Variants in KIAA0825 observed in about 807,000 individuals in gnomAD.
KIAA0825 encodes the protein KIAA0825.
KIAA0825 carries 119 observed loss-of-function variants against 147.6 expected under a neutral mutation model. That is an observed-to-expected ratio of 0.81 (90% CI 0.69 to 0.94). The LOEUF (loss-of-function observed/expected upper bound fraction) is 0.94, where lower values mean the gene tolerates loss of function less well. Ranked by LOEUF, KIAA0825 falls within the 40% of genes least tolerant of loss-of-function variation. The probability of loss-of-function intolerance (pLI) is 0.00; values close to 1 mark genes in which losing one functional copy is unlikely to be tolerated. For missense variants in KIAA0825, 1,381 were observed against 1,472.7 expected (o/e 0.94, Z 1.02); for synonymous variants, 470 against 518.1 (o/e 0.91, Z 1.26).
rs533817869 is a variant in KIAA0825, at chr5:94,270,519, G to A, written c.3710+113849C>T. ...CACAGAGACTGGAACATATTATAAG[G>A]CCATAGTTTTTGGTGCATGCAGTAT... On this transcript the variant is annotated intron_variant, in intron 20 of 20. Transcript: ENST00000682413. Among the ~76,000 whole-genome samples, 12 of 152,118 alleles carry A rather than the reference G, an allele frequency of 7.9e-5. No homozygotes were observed. In the South Asian group the frequency reaches 2.3e-3, roughly 29 times the overall value.
At chr5:94,384,927 C>A (rs1016841014) in intron 19 of KIAA0825, among the ~76,000 whole-genome samples, 4 of 151,990 alleles carry the variant, frequency 2.6e-5, no homozygotes, top group African/African-American at 9.7e-5. Flanking sequence ...ATTAATGTTA[C>A]CTTTTTGGTT....
At chr5:94,308,930 A>G (rs989723349) in intron 20 of KIAA0825, among the ~76,000 whole-genome samples, 19 of 151,948 alleles carry the variant, frequency 1.3e-4, no homozygotes, top group African/African-American at 3.9e-4. Context: ...CAAATTTCCA[A>G]TTGGAAGCTT....
chr5:94,296,236 A>G (rs1778129012), intron 20 of KIAA0825, among the ~76,000 whole-genome samples: 1 of 152,112 alleles, frequency 6.6e-6, no homozygotes, highest in South Asian at 2.1e-4. Context: ...AAACCTCAGT[A>G]ATGGCTGACA....
intron 20 of KIAA0825, among the ~76,000 whole-genome samples, chr5:94,272,893 A>G (rs1283441426): frequency 6.6e-6 from 1 of 152,228 alleles, no homozygotes; most frequent in Non-Finnish European, 1.5e-5. Context: ...TTCATAGGAA[A>G]AGGCCTCCTT....
At chr5:94,245,948 TA>T (rs1483005872) in intron 20 of KIAA0825, among the ~76,000 whole-genome samples, 3 of 152,126 alleles carry the variant, frequency 2.0e-5, no homozygotes, top group Non-Finnish European at 4.4e-5. Flanking sequence ...CTCAGTTCTT[TA>T]AAAAGTTTAA....
At chr5:94,497,345 T>C (rs1338015872) in intron 5 of KIAA0825, among the ~76,000 whole-genome samples, 1 of 152,192 alleles carries the variant, frequency 6.6e-6, no homozygotes, top group African/African-American at 2.4e-5. Flanking sequence ...TCATCTTTCA[T>C]TTGCGTATTG....
intron 20 of KIAA0825, among the ~76,000 whole-genome samples, chr5:94,228,250 A>T (rs1583914573): frequency 6.6e-6 from 1 of 152,164 alleles, no homozygotes; most frequent in African/African-American, 2.4e-5. Context: ...AGCCTAAATA[A>T]TACATAATGG....
chr5:94,180,057 T>A (rs955379177), intron 20 of KIAA0825, among the ~76,000 whole-genome samples: 13 of 151,894 alleles, frequency 8.6e-5, no homozygotes. Flanking sequence ...TATCAAAGCA[T>A]CTCCCCCAAA....
chr5:94,181,611 C>T (rs1468585052), intron 20 of KIAA0825, among the ~76,000 whole-genome samples: 1 of 152,040 alleles, frequency 6.6e-6, no homozygotes, highest in South Asian at 2.1e-4. Flanking sequence ...TAAATAATTG[C>T]TTTATTAACG....
At chr5:94,239,938 A>G (rs1775263523) in intron 20 of KIAA0825, among the ~76,000 whole-genome samples, 2 of 152,218 alleles carry the variant, frequency 1.3e-5, no homozygotes, top group African/African-American at 4.8e-5. Context: ...AAAAGCTCAC[A>G]AGTGATGATA....
chr5:94,173,659 G>A (rs1340592030), intron 20 of KIAA0825, among the ~76,000 whole-genome samples: 2 of 152,156 alleles, frequency 1.3e-5, no homozygotes, highest in African/African-American at 4.8e-5. Flanking sequence ...TTACAAAGGA[G>A]TCATCAGCTC....
At chr5:94,187,715 G>A (rs1182205518) in intron 20 of KIAA0825, among the ~76,000 whole-genome samples, 2 of 152,074 alleles carry the variant, frequency 1.3e-5, no homozygotes, top group Non-Finnish European at 2.9e-5. Context: ...ATGAGCCACC[G>A]CGCCAGACCG....
chr5:94,514,910 A>G (rs1766993412), intron 5 of KIAA0825, among the ~76,000 whole-genome samples: 1 of 152,160 alleles, frequency 6.6e-6, no homozygotes, highest in Non-Finnish European at 1.5e-5. Flanking sequence ...ATGAAAAAAA[A>G]GGTGTCTTAG....
chr5:94,290,102 T>C (rs980382925), intron 20 of KIAA0825, among the ~76,000 whole-genome samples: 3 of 152,036 alleles, frequency 2.0e-5, no homozygotes, highest in Non-Finnish European at 4.4e-5. Flanking sequence ...GGAGATGGGA[T>C]CAGGCAATAA....
chr5:94,249,255 A>G (rs919997704), intron 20 of KIAA0825, among the ~76,000 whole-genome samples: 3 of 152,112 alleles, frequency 2.0e-5, no homozygotes, highest in Non-Finnish European at 4.4e-5. Flanking sequence ...CCCACCTAGC[A>G]GACAAAAATG....
intron 20 of KIAA0825, among the ~76,000 whole-genome samples, chr5:94,186,098 C>T (rs1770094029): frequency 2.0e-5 from 3 of 152,044 alleles, no homozygotes; most frequent in African/African-American, 7.2e-5. Context: ...TACTATACAA[C>T]CAAACACATT....
chr5:94,238,731 C>CCT (rs138590038), intron 20 of KIAA0825, among the ~76,000 whole-genome samples: 45,056 of 150,470 alleles, frequency 0.3, 7,417 homozygotes, highest in Admixed American at 0.42. Flanking sequence ...ACAGTCCCTC[C>CCT]CTCTCTCTCT....
At chr5:94,560,703 C>A (rs1777390093) in intron 2 of KIAA0825, among the ~76,000 whole-genome samples, 1 of 152,166 alleles carries the variant, frequency 6.6e-6, no homozygotes, top group African/African-American at 2.4e-5. Flanking sequence ...CTTAAATGGT[C>A]ACCAAATGCT....
intron 2 of KIAA0825, among the ~76,000 whole-genome samples, chr5:94,547,996 C>A (rs1167995121): frequency 1.3e-5 from 2 of 151,958 alleles, no homozygotes; most frequent in Admixed American, 1.3e-4. Context: ...AACTAAAGAC[C>A]TGACCTACAA....
Sources: gnomAD v4.1 joint callset for allele counts (sites outside exome capture counted in the v4.1 genomes callset) on GRCh38, gnomAD v4.1.1 for gene constraint, MANE v1.5 for transcripts, NCBI Gene and HGNC (gene_info 2026-07-23, HGNC 2026-07-21) for gene names.